The following KCNIP4 variants were observed in gnomAD, a reference collection of about 807,000 sequenced individuals.
KCNIP4 encodes potassium voltage-gated channel interacting protein 4, also known as Kv channel-interacting protein 4.
In KCNIP4, 12 loss-of-function variants were observed where a neutral mutation model predicts 34.0. The observed-to-expected ratio is 0.35, with a 90% CI of 0.23 to 0.57. KCNIP4 has a LOEUF of 0.57. Among genes scored for constraint, KCNIP4 ranks in the 20% least tolerant of loss-of-function variants. The pLI, the probability that KCNIP4 is intolerant of heterozygous loss-of-function variation, is 0.83. For synonymous variants in KCNIP4, 124 were observed against 102.2 expected (o/e 1.21, Z -1.29); for missense variants, 238 against 311.7 (o/e 0.76, Z 1.78).
At chr4:20,847,216 T>A (rs1157611605) in intron 3 of KCNIP4, among the ~76,000 whole-genome samples, 5 of 152,132 alleles carry the variant, frequency 3.3e-5, no homozygotes, top group African/African-American at 1.2e-4. Flanking sequence ...GTTATCATTA[T>A]CCCAGTTTAT....
At chr4:21,775,058 A>G (rs1719081064) in intron 1 of KCNIP4, among the ~76,000 whole-genome samples, 1 of 151,814 alleles carries the variant, frequency 6.6e-6, no homozygotes, top group Admixed American at 6.6e-5. Flanking sequence ...CATTTTTTTC[A>G]TTGATTATTT....
chr4:21,767,506 C>T (rs370315237), intron 1 of KCNIP4, among the ~76,000 whole-genome samples: 10 of 151,864 alleles, frequency 6.6e-5, no homozygotes, highest in African/African-American at 2.4e-4. Flanking sequence ...CGGCAGCTGG[C>T]TTTATTGCCA....
At chr4:21,462,329 A>C (rs2109778670) in intron 1 of KCNIP4, among the ~76,000 whole-genome samples, 1 of 152,284 alleles carries the variant, frequency 6.6e-6, no homozygotes, top group Non-Finnish European at 1.5e-5. Context: ...TCACTGCGGA[A>C]GGCAAGGGGG....
chr4:20,933,752 A>G (rs1037781228), intron 1 of KCNIP4, among the ~76,000 whole-genome samples: 1 of 151,776 alleles, frequency 6.6e-6, no homozygotes, highest in Non-Finnish European at 1.5e-5. Context: ...GAAAAAAAAA[A>G]AAAGAAAGAA....
intron 1 of KCNIP4, among the ~76,000 whole-genome samples, chr4:21,516,197 A>T (rs1379452546): frequency 6.6e-6 from 1 of 152,200 alleles, no homozygotes; most frequent in African/African-American, 2.4e-5. Flanking sequence ...CTTCCTAAAT[A>T]TCTTCAGAAA....
chr4:21,708,409 G>A lies in KCNIP4; in HGVS notation c.61+240162C>T. On this transcript the variant is annotated intron_variant, in intron 1 of 8. Transcript: ENST00000382152. ...TCCAATATATAGACAGAATTTCTAA[G>A]TATGGGGTGAAGAGTCTTACAGATT... Among the ~76,000 whole-genome samples, 2 of 152,096 alleles carry A rather than the reference G, an allele frequency of 1.3e-5. 1 individual carries two copies. The highest frequency in any genetic ancestry group is 2.9e-5 in the Non-Finnish European group (2 of 68,016).
At chr4:21,051,123 T>C (rs535152998) in intron 1 of KCNIP4, among the ~76,000 whole-genome samples, 1 of 152,362 alleles carries the variant, frequency 6.6e-6, no homozygotes, top group East Asian at 1.9e-4. Context: ...GCCCATGTTT[T>C]ATTCATGGTT....
chr4:20,990,624 C>A (rs999170297), intron 1 of KCNIP4, among the ~76,000 whole-genome samples: 3 of 152,172 alleles, frequency 2.0e-5, no homozygotes, highest in Non-Finnish European at 4.4e-5. Flanking sequence ...AATGAGTAGA[C>A]TATTTGGAAG....
At chr4:21,319,551 T>G (rs1050263501) in intron 1 of KCNIP4, among the ~76,000 whole-genome samples, 2 of 152,216 alleles carry the variant, frequency 1.3e-5, no homozygotes, top group Non-Finnish European at 2.9e-5. Context: ...TCTAGGCCCA[T>G]CATATCTTGC....
At chr4:20,890,096 G>T (rs1424085721) in intron 1 of KCNIP4, among the ~76,000 whole-genome samples, 2 of 152,082 alleles carry the variant, frequency 1.3e-5, no homozygotes, top group Non-Finnish European at 2.9e-5. Flanking sequence ...CTGAGGGGAG[G>T]ATTCTGTTTG....
At chr4:21,907,786 T>C (rs532883326) in intron 1 of KCNIP4, among the ~76,000 whole-genome samples, 1 of 152,166 alleles carries the variant, frequency 6.6e-6, no homozygotes, top group Non-Finnish European at 1.5e-5. Context: ...CTTGCCTTAG[T>C]ACACAATAAT....
chr4:21,017,886 G>T (rs547108769), intron 1 of KCNIP4, among the ~76,000 whole-genome samples: 2 of 152,206 alleles, frequency 1.3e-5, no homozygotes, highest in African/African-American at 4.8e-5. Flanking sequence ...TCGCCACTCT[G>T]ACTGGCATGA....
At chr4:21,705,642 T>C (rs1236242280) in intron 1 of KCNIP4, among the ~76,000 whole-genome samples, 1 of 152,038 alleles carries the variant, frequency 6.6e-6, no homozygotes, top group East Asian at 1.9e-4. Flanking sequence ...AGGGAAGGGA[T>C]GGCAGGGCAT....
chr4:20,764,644 C>A (rs1008504554), intron 3 of KCNIP4, among the ~76,000 whole-genome samples: 1 of 151,012 alleles, frequency 6.6e-6, no homozygotes, highest in East Asian at 2.0e-4. Context: ...AAGTCTCACA[C>A]CGAGAGGAGC....
intron 1 of KCNIP4, among the ~76,000 whole-genome samples, chr4:21,189,384 C>A (rs1273332674): frequency 6.6e-6 from 1 of 152,168 alleles, no homozygotes; most frequent in Non-Finnish European, 1.5e-5. Context: ...CTTATGTCAT[C>A]AAATGTCAAT....
At chr4:21,339,415 C>G (rs891648605) in intron 1 of KCNIP4, among the ~76,000 whole-genome samples, 4 of 152,110 alleles carry the variant, frequency 2.6e-5, no homozygotes, top group Non-Finnish European at 5.9e-5. Context: ...GCTTACAAAG[C>G]AAAACAACTC....
intron 1 of KCNIP4, among the ~76,000 whole-genome samples, chr4:21,176,751 C>A (rs533147076): frequency 6.6e-6 from 1 of 152,256 alleles, no homozygotes; most frequent in South Asian, 2.1e-4. Context: ...GAACTCCTGA[C>A]CTTGGGTGAC....
intron 1 of KCNIP4, among the ~76,000 whole-genome samples, chr4:20,915,000 C>T (rs1412223364): frequency 6.6e-6 from 1 of 152,186 alleles, no homozygotes; most frequent in African/African-American, 2.4e-5. Context: ...AGAATGCTTA[C>T]ACAACCTTGC....
intron 1 of KCNIP4, among the ~76,000 whole-genome samples, chr4:21,572,347 T>G (rs1740423747): frequency 6.6e-6 from 1 of 152,282 alleles, no homozygotes; most frequent in South Asian, 2.1e-4. Flanking sequence ...TATGATGGCC[T>G]CCTGTATTCT....
Sources: allele counts gnomAD v4.1 joint callset (sites outside exome capture counted in the v4.1 genomes callset), GRCh38; gene constraint gnomAD v4.1.1; transcripts MANE v1.5; gene names NCBI Gene and HGNC (gene_info 2026-07-23, HGNC 2026-07-21).